Variants in RIC1 observed in about 807,000 individuals in gnomAD.
RIC1 encodes the protein guanine nucleotide exchange factor subunit RIC1.
RIC1 carries 88 observed loss-of-function variants against 169.0 expected under a neutral mutation model. That is an observed-to-expected ratio of 0.52 (90% CI 0.44 to 0.62). The LOEUF (loss-of-function observed/expected upper bound fraction) is 0.62, where lower values mean the gene tolerates loss of function less well. Among genes scored for constraint, RIC1 ranks in the 20% least tolerant of loss-of-function variants. The pLI, the probability that RIC1 is intolerant of heterozygous loss-of-function variation, is 0.00. For missense variants in RIC1, 1,877 were observed against 1,725.5 expected (o/e 1.09, Z -1.56); for synonymous variants, 790 against 601.5 (o/e 1.31, Z -4.59).
intron 2 of RIC1, among the ~76,000 whole-genome samples, chr9:5,662,071 C>G (rs1044116865): frequency 6.6e-6 from 1 of 152,032 alleles, no homozygotes; most frequent in Non-Finnish European, 1.5e-5. Flanking sequence ...AGACCTTTTC[C>G]GCATCTATTG....
intron 1 of RIC1, among the ~76,000 whole-genome samples, chr9:5,634,836 G>C (rs1303986163): frequency 6.6e-6 from 1 of 151,878 alleles, no homozygotes; most frequent in African/African-American, 2.4e-5. Context: ...GGATTTGCAT[G>C]GTTTCAGGTT....
chr9:5,762,400 G>A, intron 17 of RIC1, 141 bp from the exon 18 acceptor site: 2 of 1,002,072 alleles, frequency 2.0e-6, no homozygotes, highest in Non-Finnish European at 2.9e-6. Context: ...TTCCCACAGA[G>A]CCTAGCAGAA....
intron 2 of RIC1, among the ~76,000 whole-genome samples, chr9:5,681,486 G>C (rs970552664): frequency 1.6e-4 from 25 of 152,170 alleles, no homozygotes; most frequent in Non-Finnish European, 1.5e-4. Context: ...GTTCTAGTTT[G>C]ATTGCACTAT....
chr9:5,750,763 G>GT (rs5896129), intron 12 of RIC1, among the ~76,000 whole-genome samples: 46,341 of 151,060 alleles, frequency 0.31, 8,228 homozygotes, highest in East Asian at 0.58. Flanking sequence ...TTCATGACCT[G>GT]TTTTTTTTGT....
intron 17 of RIC1, 85 bp from the exon 18 acceptor site, chr9:5,762,456 C>A: frequency 6.7e-7 from 1 of 1,496,034 alleles, no homozygotes; most frequent in South Asian, 1.2e-5. Context: ...GATTGTTTGA[C>A]CTATAAACCT....
Position 5,713,889 on chromosome 9 carries a change from G to T in RIC1, c.333-7G>T, listed in dbSNP as rs377202004. The stretch of plus-strand genomic sequence containing the variant: ...ATCTTTCTTTAACTCTATGCTGTTT[G>T]TTTTAGAGGAAGTCCACAAATGAAG... On this transcript the variant is annotated splice_region_variant and splice_polypyrimidine_tract_variant and intron_variant, in intron 3 of 25. Transcript: ENST00000414202. 6.2e-7 allele frequency: 1 copy of T among 1,603,682 alleles called. No homozygotes were observed. The highest frequency in any genetic ancestry group is 2.2e-5 in the East Asian group (1 of 44,696).
rs759990746 is a variant in RIC1 at position 5,773,947 on chromosome 9, T to TC, written c.3984-10dup. On this transcript the variant is annotated splice_polypyrimidine_tract_variant and intron_variant, in intron 25 of 25. Transcript: ENST00000414202. Reference sequence around the variant, plus strand: ...ATGGCAGATGAGCTAATGTTTTTTTTCTCTACATAGTCCTGGATATAAGCC... The same window carrying TC: ...ATGGCAGATGAGCTAATGTTTTTTTTCCTCTACATAGTCCTGGATATAAGCC... The TC allele has an allele frequency of 1.9e-6, 3 of 1,551,138 alleles. No individual in the cohort carries two copies. Among genetic ancestry groups the TC allele is most frequent in the Admixed American group, 2.1e-5 (1 of 48,322 alleles).
At chr9:5,702,166 A>G (rs1034622560) in intron 3 of RIC1, among the ~76,000 whole-genome samples, 4 of 152,250 alleles carry the variant, frequency 2.6e-5, no homozygotes, top group Non-Finnish European at 4.4e-5. Context: ...TGTGTACTCT[A>G]AAGGAGCTAC....
At chr9:5,714,349 A>G (rs1183025368) in intron 4 of RIC1, among the ~76,000 whole-genome samples, 3 of 152,198 alleles carry the variant, frequency 2.0e-5, no homozygotes, top group Non-Finnish European at 4.4e-5. Context: ...TTTGTTTCCA[A>G]AGTTGCCATA....
At chr9:5,664,973 G>T (rs2760411) in intron 2 of RIC1, among the ~76,000 whole-genome samples, 1 of 152,332 alleles carries the variant, frequency 6.6e-6, no homozygotes. Flanking sequence ...CGGTTATGTT[G>T]CTCTCTAAAC....
chr9:5,652,798 G>C (rs1259969117), intron 1 of RIC1, among the ~76,000 whole-genome samples: 1 of 152,056 alleles, frequency 6.6e-6, no homozygotes, highest in Admixed American at 6.6e-5. Context: ...TAGAGGAAAA[G>C]ATTTCAACTT....
chr9:5,695,713 G>C (rs530649118), intron 3 of RIC1, among the ~76,000 whole-genome samples: 56 of 151,770 alleles, frequency 3.7e-4, no homozygotes, highest in Non-Finnish European at 6.5e-4. Context: ...TGGGACTACA[G>C]GCATGCACCA....
intron 3 of RIC1, among the ~76,000 whole-genome samples, chr9:5,697,192 G>C (rs966237148): frequency 6.6e-6 from 1 of 152,210 alleles, no homozygotes; most frequent in Non-Finnish European, 1.5e-5. Context: ...TTCACAAATA[G>C]CTGCTTCTGC....
intron 8 of RIC1, among the ~76,000 whole-genome samples, chr9:5,739,324 C>T (rs759965882): frequency 7.9e-5 from 12 of 152,106 alleles, no homozygotes; most frequent in African/African-American, 1.2e-4. Flanking sequence ...TTTAACTCCC[C>T]GAGCTGCAGC....
At chr9:5,742,179 C>T (rs1825122302) in intron 8 of RIC1, among the ~76,000 whole-genome samples, 1 of 152,100 alleles carries the variant, frequency 6.6e-6, no homozygotes. Flanking sequence ...TGGATATAGT[C>T]CATTGTAGTC....
In RIC1 at chr9:5,747,510, A is replaced by G. The variant is rs1438612820; in HGVS notation, c.1452+5A>G. 4 of 1,609,016 alleles carry G rather than the reference A, an allele frequency of 2.5e-6. No homozygotes were observed. The African/African-American group carries it at 4.0e-5, about 16-fold the overall frequency. On this transcript the variant is annotated splice_donor_5th_base_variant and intron_variant, in intron 12 of 25. Coordinates refer to ENST00000414202, the MANE Select transcript of RIC1 (RefSeq NM_020829.4). Reference sequence around the variant, plus strand: ...CGGCATTGGCATGTTGTACAGGTAAATCTTTAGTTACTGATTACTAGAGAC... The same window carrying G: ...CGGCATTGGCATGTTGTACAGGTAAGTCTTTAGTTACTGATTACTAGAGAC...
chr9:5,687,795 T>G (rs368967802), intron 2 of RIC1, among the ~76,000 whole-genome samples: 1 of 152,194 alleles, frequency 6.6e-6, no homozygotes, highest in South Asian at 2.1e-4. Context: ...AAATTTGAAT[T>G]TAATTAAATA....
intron 6 of RIC1, among the ~76,000 whole-genome samples, chr9:5,728,492 G>A (rs1027297096): frequency 9.2e-5 from 14 of 152,330 alleles, no homozygotes; most frequent in South Asian, 4.1e-4. Context: ...TGCACTTCCC[G>A]GGTGAGGTGA....
chr9:5,671,119 T>G (rs1293677956), intron 2 of RIC1, among the ~76,000 whole-genome samples: 3 of 152,144 alleles, frequency 2.0e-5, no homozygotes, highest in Admixed American at 6.5e-5. Flanking sequence ...GACTGGTAAT[T>G]GTTTACATTT....
Sources: allele counts gnomAD v4.1 joint callset (sites outside exome capture counted in the v4.1 genomes callset), GRCh38; gene constraint gnomAD v4.1.1; transcripts MANE v1.5; gene names NCBI Gene and HGNC (gene_info 2026-07-23, HGNC 2026-07-21).